PCDH9: variants seen among roughly 807,000 people sequenced by gnomAD.
PCDH9 encodes protocadherin-9.
A neutral mutation model predicts 70.6 loss-of-function variants in PCDH9; 24 were observed. The ratio of observed to expected loss-of-function variants is 0.34; its 90% CI spans 0.25 to 0.48. The LOEUF (loss-of-function observed/expected upper bound fraction) is 0.48, where lower values mean the gene tolerates loss of function less well. Among genes scored for constraint, PCDH9 ranks in the 20% least tolerant of loss-of-function variants. The pLI is 0.99. For synonymous variants in PCDH9, 562 were observed against 558.5 expected (o/e 1.01, Z -0.09); for missense variants, 1,281 against 1,503.6 (o/e 0.85, Z 2.45).
chr13:66,562,552 T>C (rs542469482), intron 4 of PCDH9, among the ~76,000 whole-genome samples: 14 of 152,166 alleles, frequency 9.2e-5, no homozygotes, highest in Non-Finnish European at 2.1e-4. Context: ...CAAGAGAGCA[T>C]GTGCAGGGGA....
At chr13:66,646,561 A>C (rs1037426884) in intron 3 of PCDH9, among the ~76,000 whole-genome samples, 2 of 152,180 alleles carry the variant, frequency 1.3e-5, no homozygotes, top group Non-Finnish European at 2.9e-5. Flanking sequence ...AAATGAAATA[A>C]CTGACTTGAC....
intron 3 of PCDH9, among the ~76,000 whole-genome samples, chr13:66,778,853 G>T (rs1481131386): frequency 6.6e-6 from 1 of 152,072 alleles, no homozygotes; most frequent in African/African-American, 2.4e-5. Flanking sequence ...GCAGCCCCAT[G>T]GTTCTTCATC....
At chr13:66,847,700 T>G (rs1049890796) in intron 3 of PCDH9, among the ~76,000 whole-genome samples, 4 of 152,168 alleles carry the variant, frequency 2.6e-5, no homozygotes, top group African/African-American at 9.7e-5. Context: ...GGGCCATTAT[T>G]CAGTAAAATA....
At chr13:66,963,438 C>A (rs1002686074) in intron 2 of PCDH9, among the ~76,000 whole-genome samples, 1 of 152,098 alleles carries the variant, frequency 6.6e-6, no homozygotes, top group South Asian at 2.1e-4. Context: ...CATATTTGCT[C>A]TTTGGTTTAC....
At chr13:66,315,061 G>T (rs1955627789) in intron 4 of PCDH9, among the ~76,000 whole-genome samples, 1 of 152,186 alleles carries the variant, frequency 6.6e-6, no homozygotes, top group Non-Finnish European at 1.5e-5. Context: ...GCAATTGCTG[G>T]CTTTGAAGAC....
intron 4 of PCDH9, among the ~76,000 whole-genome samples, chr13:66,579,549 C>T (rs1201407758): frequency 6.6e-6 from 1 of 151,922 alleles, no homozygotes; most frequent in African/African-American, 2.4e-5. Context: ...ATATCTGATA[C>T]CACGGTGTGA....
At chr13:67,177,479 T>G (rs1325687) in intron 2 of PCDH9, among the ~76,000 whole-genome samples, 43,509 of 152,078 alleles carry the variant, frequency 0.29, 7,027 homozygotes, top group African/African-American at 0.43. Context: ...TACTTTACTT[T>G]TATCTTGACA....
At chr13:67,101,225 T>C (rs752808793) in intron 2 of PCDH9, among the ~76,000 whole-genome samples, 49 of 152,310 alleles carry the variant, frequency 3.2e-4, no homozygotes, top group Middle Eastern at 3.4e-3. Flanking sequence ...TTAGATGCAA[T>C]CTGATTATAA....
chr13:66,643,589 T>G (rs28628649), intron 3 of PCDH9, among the ~76,000 whole-genome samples: 1 of 152,082 alleles, frequency 6.6e-6, no homozygotes, highest in Non-Finnish European at 1.5e-5. Flanking sequence ...TTGTTTCTTC[T>G]GGATACAAAT....
intron 2 of PCDH9, among the ~76,000 whole-genome samples, chr13:67,059,783 T>C (rs769883119): frequency 1.3e-5 from 2 of 152,084 alleles, no homozygotes; most frequent in African/African-American, 2.4e-5. Context: ...AAATTAACTT[T>C]GAAGCTATCA....
chr13:67,224,668 A>G (rs2089808258), intron 2 of PCDH9: 1 of 283,734 alleles, frequency 3.5e-6, no homozygotes, highest in Non-Finnish European at 5.3e-6. Flanking sequence ...CTAAGATGAG[A>G]GAATATTTAC....
At chr13:66,509,916 C>A (rs1403251503) in intron 4 of PCDH9, among the ~76,000 whole-genome samples, 1 of 152,116 alleles carries the variant, frequency 6.6e-6, no homozygotes, top group African/African-American at 2.4e-5. Context: ...AAACATTTTT[C>A]TATGAAAACA....
intron 4 of PCDH9, among the ~76,000 whole-genome samples, chr13:66,577,633 C>T (rs530382218): frequency 4.6e-5 from 7 of 151,866 alleles, no homozygotes; most frequent in Non-Finnish European, 1.0e-4. Context: ...CCCCACTCCC[C>T]GCCCCCCTAA....
chr13:67,085,968 C>T (rs2086099406), intron 2 of PCDH9, among the ~76,000 whole-genome samples: 1 of 152,078 alleles, frequency 6.6e-6, no homozygotes, highest in African/African-American at 2.4e-5. Flanking sequence ...CTCAGACAAT[C>T]CTGTGAAACT....
intron 4 of PCDH9, among the ~76,000 whole-genome samples, chr13:66,532,729 C>T (rs1430502311): frequency 2.0e-5 from 3 of 152,034 alleles, no homozygotes; most frequent in African/African-American, 2.4e-5. Flanking sequence ...CGGGGTTTCA[C>T]TTTCGGAGGC....
chr13:67,163,891 G>T (rs1284020489), intron 2 of PCDH9, among the ~76,000 whole-genome samples: 1 of 152,150 alleles, frequency 6.6e-6, no homozygotes, highest in East Asian at 1.9e-4. Flanking sequence ...ATAGAAAGAA[G>T]CATAATGACA....
chr13:67,051,712 C>T (rs2085328747), intron 2 of PCDH9, among the ~76,000 whole-genome samples: 1 of 151,940 alleles, frequency 6.6e-6, no homozygotes, highest in Non-Finnish European at 1.5e-5. Flanking sequence ...TAAGAAAAGA[C>T]TTAAAGGAAG....
At chr13:67,057,001 A>G (rs566419597) in intron 2 of PCDH9, among the ~76,000 whole-genome samples, 15 of 152,188 alleles carry the variant, frequency 9.9e-5, no homozygotes, top group Non-Finnish European at 2.1e-4. Context: ...AGATAGTCTC[A>G]GATTCATGAC....
intron 4 of PCDH9, among the ~76,000 whole-genome samples, chr13:66,451,757 T>C (rs1476197127): frequency 6.6e-6 from 1 of 152,120 alleles, no homozygotes; most frequent in Non-Finnish European, 1.5e-5. Context: ...AAATAAAACA[T>C]AAAGATCTAA....
Sources: allele counts gnomAD v4.1 joint callset (sites outside exome capture counted in the v4.1 genomes callset), GRCh38; gene constraint gnomAD v4.1.1; transcripts MANE v1.5; gene names NCBI Gene and HGNC (gene_info 2026-07-23, HGNC 2026-07-21).